The following STX18 variants were observed in gnomAD, a reference collection of about 807,000 sequenced individuals.
STX18 encodes syntaxin-18.
Under a neutral mutation model 50.1 loss-of-function variants are expected in STX18, and 40 were observed. That is an observed-to-expected ratio of 0.80 (90% CI 0.62 to 1.04). STX18 has a LOEUF of 1.04. STX18 is among the 50% of genes least tolerant of loss of function. STX18 has a pLI of 0.00. For missense variants in STX18, 410 were observed against 415.8 expected, an observed-to-expected ratio of 0.99 and a Z score of 0.12; for synonymous variants, 158 against 151.8, an observed-to-expected ratio of 1.04 and a Z score of -0.30.
intron 1 of STX18, among the ~76,000 whole-genome samples, chr4:4,531,570 C>T (rs1376067418): frequency 1.3e-5 from 2 of 152,212 alleles, no homozygotes; most frequent in African/African-American, 4.8e-5. Flanking sequence ...CCCCGTTTCA[C>T]ACTGCTGAGT....
intron 7 of STX18, chr4:4,426,364 T>C (rs1377257598): frequency 1.3e-5 from 2 of 151,890 alleles, no homozygotes; most frequent in Admixed American, 1.3e-4. Context: ...TAAGCAGGAG[T>C]GGGAGGGATA....
In STX18 at chr4:4,468,133, T is replaced by C. The variant is rs569825983; in HGVS notation, c.236+3506A>G. On this transcript the variant is annotated intron_variant, in intron 2 of 10. Coordinates refer to ENST00000306200, the MANE Select transcript of STX18 (RefSeq NM_016930.4). ...CACTTTAAAACTTTTTATTCCTTTT[T>C]CTCTTTTCTCCCTAGTCTCAAGATG... Among the ~76,000 whole-genome samples, 104 of 152,358 alleles carry C rather than the reference T, an allele frequency of 6.8e-4. 2 individuals carry two copies. Among genetic ancestry groups the C allele is most frequent in the East Asian group, 7.7e-4 (4 of 5,188 alleles).
intron 1 of STX18, among the ~76,000 whole-genome samples, chr4:4,529,360 A>C (rs1577406243): frequency 6.6e-6 from 1 of 152,238 alleles, no homozygotes; most frequent in East Asian, 1.9e-4. Flanking sequence ...TCTCAAAAAA[A>C]AGAAAGAAAA....
At chr4:4,435,269 C>T (rs926939532) in intron 6 of STX18, among the ~76,000 whole-genome samples, 1 of 152,098 alleles carries the variant, frequency 6.6e-6, no homozygotes, top group Non-Finnish European at 1.5e-5. Flanking sequence ...GTAAAAAATA[C>T]ATATGCATAT....
chr4:4,439,304 C>T (rs1725972505), intron 5 of STX18, among the ~76,000 whole-genome samples: 1 of 147,478 alleles, frequency 6.8e-6, no homozygotes, highest in Non-Finnish European at 1.5e-5. Flanking sequence ...ACACACATAC[C>T]CACACATATA....
chr4:4,457,544 T>G (rs1346718592), intron 3 of STX18, 44 bp from the exon 4 acceptor site: 8 of 1,449,086 alleles, frequency 5.5e-6, no homozygotes, highest in Non-Finnish European at 7.7e-6. Flanking sequence ...CACTCAATTA[T>G]CCTAAAGAGC....
intron 9 of STX18, among the ~76,000 whole-genome samples, chr4:4,422,364 C>T (rs377701557): frequency 1.3e-5 from 2 of 151,966 alleles, no homozygotes; most frequent in East Asian, 1.9e-4. Flanking sequence ...GTCAGGAGTT[C>T]GGGACCAGCC....
In STX18 at chr4:4,420,092, AG is replaced by A. The variant is rs1218762709; in HGVS notation, c.949del (p.Leu317SerfsTer5). On this transcript the variant is annotated frameshift_variant, in exon 11 of 11. Coordinates refer to ENST00000306200, the MANE Select transcript of STX18 (RefSeq NM_016930.4). LOFTEE classifies it high-confidence loss of function. The surrounding 1 kb of genome is among the most constrained non-coding windows in gnomAD (Gnocchi z 4.3). ...GAAGGAGCACATCACGAGGAAGAAG[AG>A]GATCCACACGCGGAAGCCAGCGTTG... ...KNNAGFRVWILFFLVMCSFSL... is the reference protein window; with the variant it reads ...KNNAGFRVWIXFFLVMCSFSL... 6.2e-7 allele frequency: 1 copy of A among 1,613,300 alleles called. No homozygotes were observed. Among genetic ancestry groups the A allele is most frequent in the Non-Finnish European group, 8.5e-7 (1 of 1,179,696 alleles).
At chr4:4,522,593 G>C (rs1220483416) in intron 1 of STX18, among the ~76,000 whole-genome samples, 2 of 152,160 alleles carry the variant, frequency 1.3e-5, no homozygotes, top group Non-Finnish European at 2.9e-5. Context: ...GAAATGTGGA[G>C]GAGCAACTCA....
intron 9 of STX18, among the ~76,000 whole-genome samples, chr4:4,422,235 G>GAA (rs58034308): frequency 6.6e-6 from 1 of 151,932 alleles, no homozygotes; most frequent in Non-Finnish European, 1.5e-5. Flanking sequence ...AACACTGATG[G>GAA]AAAAAACAAG....
At chr4:4,467,333 G>A (rs929922398) in intron 2 of STX18, among the ~76,000 whole-genome samples, 2 of 152,188 alleles carry the variant, frequency 1.3e-5, no homozygotes, top group Non-Finnish European at 2.9e-5. Context: ...CCCAAAGTTA[G>A]TTTGGCCTAC....
chr4:4,462,326 C>G (rs1056971030), intron 2 of STX18, among the ~76,000 whole-genome samples: 96 of 152,288 alleles, frequency 6.3e-4, no homozygotes, highest in African/African-American at 2.3e-3. Context: ...AACTCTCATA[C>G]CCACCTAATT....
intron 2 of STX18, among the ~76,000 whole-genome samples, chr4:4,469,691 C>T (rs1057137033): frequency 2.6e-5 from 4 of 152,094 alleles, no homozygotes; most frequent in South Asian, 2.1e-4. Flanking sequence ...AGGATGCACT[C>T]GCACCACTTC....
intron 6 of STX18, 51 bp downstream of exon 6, chr4:4,438,342 CA>C (rs1725899706): frequency 7.2e-7 from 1 of 1,394,440 alleles, no homozygotes; most frequent in Admixed American, 1.7e-5. Context: ...GTACTCTTGC[CA>C]ACATGTCACA....
At chr4:4,455,821 T>C (rs995297069) in intron 5 of STX18, among the ~76,000 whole-genome samples, 4 of 152,216 alleles carry the variant, frequency 2.6e-5, no homozygotes, top group South Asian at 2.1e-4. Flanking sequence ...TCATGCCTGG[T>C]TTCCTCTGGA....
chr4:4,420,850 T>G lies in STX18; in HGVS notation c.912+14A>C. 6.2e-7 allele frequency: 1 copy of G among 1,613,630 alleles called. No individual in the cohort carries two copies. Among genetic ancestry groups the G allele is most frequent in the Non-Finnish European group, 8.5e-7 (1 of 1,179,594 alleles). ...TGCGCCACGTCGCACCTGGGGAACCTAAACAGTGCCTACCTCTCTTATGTC... is the reference window on the plus strand; with the variant it reads ...TGCGCCACGTCGCACCTGGGGAACCGAAACAGTGCCTACCTCTCTTATGTC... On this transcript the variant is annotated intron_variant, in intron 10 of 10. Transcript: ENST00000306200. The surrounding 1 kb of genome is among the most constrained non-coding windows in gnomAD (Gnocchi z 4.3).
At chr4:4,447,958 A>G (rs1726520329) in intron 5 of STX18, among the ~76,000 whole-genome samples, 2 of 152,356 alleles carry the variant, frequency 1.3e-5, no homozygotes, top group South Asian at 4.1e-4. Flanking sequence ...CAATCTGTAC[A>G]AGGGACTTAG....
chr4:4,429,921 T>C (rs1410242923), intron 7 of STX18, among the ~76,000 whole-genome samples: 7 of 152,218 alleles, frequency 4.6e-5, no homozygotes, highest in African/African-American at 1.7e-4. Context: ...GAAGCCACAT[T>C]CATGTTTTAA....
chr4:4,442,111 A>G (rs997054328), intron 5 of STX18, among the ~76,000 whole-genome samples: 2 of 152,236 alleles, frequency 1.3e-5, no homozygotes, highest in Non-Finnish European at 2.9e-5. Context: ...TTAGAGCATG[A>G]AAAGATTGAC....
Sources: allele counts gnomAD v4.1 joint callset (sites outside exome capture counted in the v4.1 genomes callset), GRCh38; gene constraint gnomAD v4.1.1; non-coding constraint Gnocchi (gnomAD v3.1); transcripts MANE v1.5; gene names NCBI Gene and HGNC (gene_info 2026-07-23, HGNC 2026-07-21).